Variants in BRWD1 observed in about 807,000 individuals in gnomAD.
The protein encoded by BRWD1 is bromodomain and WD repeat domain containing 1.
A neutral mutation model predicts 251.2 loss-of-function variants in BRWD1; 82 were observed. The ratio of observed to expected loss-of-function variants is 0.33; its 90% CI spans 0.27 to 0.39. BRWD1 has a LOEUF of 0.39. Ranked by LOEUF, BRWD1 falls within the 10% of genes least tolerant of loss-of-function variation. BRWD1 has a pLI of 1.00. For synonymous variants in BRWD1, 918 were observed against 902.8 expected (o/e 1.02, Z -0.30); for missense variants, 2,233 against 2,711.6 (o/e 0.82, Z 3.92).
intron 18 of BRWD1, 24 bp downstream of exon 18, chr21:39,258,463 A>G: frequency 6.5e-7 from 1 of 1,530,854 alleles, no homozygotes; most frequent in Non-Finnish European, 8.8e-7. Flanking sequence ...ATATTCAGGT[A>G]AAACATTTAT....
Position 39,293,910 on chromosome 21 carries a change from A to G in BRWD1, c.732T>C (p.Ala244=), listed in dbSNP as rs1050772069. The change falls in exon 8 of 41, where the codon GCT becomes GCC. Residue 244 remains alanine, a synonymous_variant. Transcript: ENST00000342449. ...MAVNYENTMI[A]AGSCDKIIRV... is the part of the protein sequence containing the mutation. ...TAATAATTTTATCACAGCTCCCCGC[A>G]GCAATCATTGTATTCTCATAGTTTA... The G allele has an allele frequency of 1.2e-6, 2 of 1,614,074 alleles. No homozygotes were observed. The highest frequency in any genetic ancestry group is 2.7e-5 in the African/African-American group (2 of 74,930).
At chr21:39,300,795 A>C (rs1169829147) in intron 4 of BRWD1, among the ~76,000 whole-genome samples, 1 of 152,226 alleles carries the variant, frequency 6.6e-6, no homozygotes, top group African/African-American at 2.4e-5. Context: ...AAAAATGCTT[A>C]GCTGTTATTT....
Position 39,193,476 on chromosome 21 carries a change from C to A in BRWD1, c.*2783G>T, listed in dbSNP as rs1477445314. On this transcript the variant is annotated 3_prime_UTR_variant, in exon 41 of 41. Coordinates refer to ENST00000342449, the MANE Select transcript of BRWD1 (RefSeq NM_033656.4). ...CATCTATCTTGTCAATGTTTGAAAT[C>A]ATTTTTCCTTTATATGCTTGGTAAA... is the stretch of plus-strand genomic sequence containing the variant. The A allele has an allele frequency of 3.0e-6, 3 of 984,978 alleles. No homozygotes were observed. The highest frequency in any genetic ancestry group is 3.6e-6 in the Non-Finnish European group (3 of 829,656). 61.0% of individuals were successfully genotyped at this position (984,978 alleles called of 1,614,324 possible).
chr21:39,291,266 C>T (rs865788583), intron 8 of BRWD1, among the ~76,000 whole-genome samples: 9 of 152,124 alleles, frequency 5.9e-5, no homozygotes, highest in Middle Eastern at 3.2e-3. Flanking sequence ...TAATACACAG[C>T]CTAGGTGAAT....
intron 4 of BRWD1, among the ~76,000 whole-genome samples, chr21:39,309,694 G>A (rs1005374363): frequency 2.6e-5 from 4 of 151,400 alleles, no homozygotes; most frequent in Non-Finnish European, 4.4e-5. Context: ...GCGTGGTGGC[G>A]GACGCCTGTA....
upstream of BRWD1, among the ~76,000 whole-genome samples, chr21:39,315,996 GT>G (rs1158533668): frequency 6.6e-6 from 1 of 152,180 alleles, no homozygotes; most frequent in African/African-American, 2.4e-5. Flanking sequence ...GGAACCAGAA[GT>G]TTAGTATGAC....
At chr21:39,271,688 C>T (rs1200794509) in intron 13 of BRWD1, among the ~76,000 whole-genome samples, 1 of 98,484 alleles carries the variant, frequency 1.0e-5, no homozygotes, top group Non-Finnish European at 1.9e-5. Flanking sequence ...CAGAGCAAGA[C>T]TCCGTCTCAA....
At chr21:39,257,063 A>G (rs1325260706) in intron 18 of BRWD1, among the ~76,000 whole-genome samples, 1 of 152,202 alleles carries the variant, frequency 6.6e-6, no homozygotes, top group Non-Finnish European at 1.5e-5. Context: ...TCATAGCATT[A>G]TTCTCCAACA....
chr21:39,298,571 A>T lies in BRWD1; in HGVS notation c.210T>A (p.Asn70Lys). 1 of 1,597,262 alleles carries T rather than the reference A, an allele frequency of 6.3e-7. No individual in the cohort carries two copies. Among genetic ancestry groups the T allele is most frequent in the Admixed American group, 1.8e-5 (1 of 55,952 alleles). ...AAAGATGATCAGGAGCCACATGCTT[A>T]TTGGACAAGACCTAGTTGGAGAGCA... ...NRSYEELVLS[N>K]KHVAPDHLLQ... Residue 70 changes from asparagine to lysine, a missense_variant, in exon 5 of 41, where the codon AAT becomes AAA. Asn to Lys is a moderately conservative substitution (Grantham distance 94). Coordinates refer to ENST00000342449, the MANE Select transcript of BRWD1 (RefSeq NM_033656.4).
chr21:39,302,542 A>T (rs1011048391), intron 4 of BRWD1, among the ~76,000 whole-genome samples: 3 of 151,994 alleles, frequency 2.0e-5, no homozygotes, highest in Non-Finnish European at 4.4e-5. Flanking sequence ...AGATCACCTG[A>T]GGTCAGGAGT....
chr21:39,194,679 C>T lies in BRWD1; in HGVS notation c.*1580G>A, dbSNP rs780747248. 6.5e-7 allele frequency: 1 copy of T among 1,534,568 alleles called. No individual in the cohort carries two copies. Among genetic ancestry groups the T allele is most frequent in the South Asian group, 1.2e-5 (1 of 84,012 alleles). ...CAAAATAGGAACACTTCAGAACATT[C>T]TCTAACATTAATACCAGTCTGATGC... On this transcript the variant is annotated 3_prime_UTR_variant, in exon 41 of 41. Coordinates refer to ENST00000342449, the MANE Select transcript of BRWD1 (RefSeq NM_033656.4).
rs757382221 is a variant in BRWD1 at position 39,225,049 on chromosome 21, T to G, written c.3320+37A>C. 3 of 1,382,632 alleles carry G rather than the reference T, an allele frequency of 2.2e-6. No homozygotes were observed. In the Admixed American group the frequency reaches 5.1e-5, roughly 24 times the overall value. 85.6% of individuals were successfully genotyped at this position (1,382,632 alleles called of 1,614,324 possible). ...TTATACAGCAACCTGCCACACTGAA[T>G]TACTGGGAAATGATTAGTTTTCATC... On this transcript the variant is annotated intron_variant, in intron 28 of 40. Transcript: ENST00000342449.
At chr21:39,310,909 G>A (rs939823415) in intron 4 of BRWD1, among the ~76,000 whole-genome samples, 9 of 152,002 alleles carry the variant, frequency 5.9e-5, no homozygotes, top group Non-Finnish European at 1.5e-5. Flanking sequence ...GTTTAGAAAC[G>A]ATACATATAC....
intron 22 of BRWD1, among the ~76,000 whole-genome samples, chr21:39,237,960 A>C (rs1368482224): frequency 6.6e-6 from 1 of 152,148 alleles, no homozygotes; most frequent in African/African-American, 2.4e-5. Flanking sequence ...TACCAATTAA[A>C]AAAAAAAGAA....
intron 23 of BRWD1, 87 bp downstream of exon 23, chr21:39,236,508 T>C: frequency 8.3e-7 from 1 of 1,206,404 alleles, no homozygotes; most frequent in South Asian, 1.6e-5. Context: ...TATGCCAGTA[T>C]CACGAGAAAT....
chr21:39,295,780 C>T lies in BRWD1; in HGVS notation c.572G>A (p.Cys191Tyr). The T allele has an allele frequency of 6.2e-7, 1 of 1,607,388 alleles. No individual in the cohort carries two copies. The highest frequency in any genetic ancestry group is 8.5e-7 in the Non-Finnish European group (1 of 1,176,174). ...RILGHLSAVY[C>Y]VAFDRTGHRI... ...ATGTCCTGTCCTATCAAATGCTACA[C>T]AGTAAACAGCAGATAGATGTCCGAG... The change falls in exon 7 of 41, where the codon TGT becomes TAT. Residue 191 changes from cysteine to tyrosine, a missense_variant. Around this residue, in one of 12 missense-constraint regions of BRWD1, gnomAD observed 185 missense variants for 260.6 expected, o/e 0.71. Coordinates refer to ENST00000342449, the MANE Select transcript of BRWD1 (RefSeq NM_033656.4).
intron 38 of BRWD1, 97 bp from the exon 39 acceptor site, chr21:39,200,483 TA>T: frequency 1.0e-6 from 1 of 995,904 alleles, no homozygotes; most frequent in Non-Finnish European, 1.4e-6. Context: ...TACATAACAT[TA>T]CTACAAAAGC....
At chr21:39,309,182 C>A (rs1463546811) in intron 4 of BRWD1, among the ~76,000 whole-genome samples, 1 of 149,762 alleles carries the variant, frequency 6.7e-6, no homozygotes, top group South Asian at 2.1e-4. Flanking sequence ...CAAAAAAAAA[C>A]AAAACAAAAA....
intron 8 of BRWD1, among the ~76,000 whole-genome samples, chr21:39,286,236 T>C (rs887081463): frequency 3.3e-5 from 5 of 152,034 alleles, no homozygotes; most frequent in African/African-American, 4.8e-5. Context: ...GCCAGGATGG[T>C]CTCCATCTGC....
Sources: allele counts gnomAD v4.1 joint callset (sites outside exome capture counted in the v4.1 genomes callset), GRCh38; gene constraint gnomAD v4.1.1; regional missense constraint gnomAD v4.1.1; transcripts MANE v1.5; gene names NCBI Gene and HGNC (gene_info 2026-07-23, HGNC 2026-07-21).